Variants in CACNA1D observed in about 807,000 individuals in gnomAD.
CACNA1D encodes voltage-dependent L-type calcium channel subunit alpha-1D.
Under a neutral mutation model 257.1 loss-of-function variants are expected in CACNA1D, and 55 were observed. The ratio of observed to expected loss-of-function variants is 0.21; its 90% confidence interval spans 0.17 to 0.27. The LOEUF is 0.27. Ranked by LOEUF, CACNA1D falls within the 10% of genes least tolerant of loss-of-function variation. CACNA1D has a pLI of 1.00. For synonymous variants in CACNA1D, 980 were observed against 1,014.9 expected, an observed-to-expected ratio of 0.97 and a Z score of 0.65; for missense variants, 1,876 against 2,784.0, an observed-to-expected ratio of 0.67 and a Z score of 7.34.
At chr3:53,510,981 G>C (rs2091081770) in intron 3 of CACNA1D, among the ~76,000 whole-genome samples, 1 of 152,134 alleles carries the variant, frequency 6.6e-6, no homozygotes, top group Non-Finnish European at 1.5e-5. Context: ...GTAGCTAATA[G>C]GTAAATAAGT....
chr3:53,676,163 C>T (rs750615870), intron 8 of CACNA1D, among the ~76,000 whole-genome samples: 2 of 152,124 alleles, frequency 1.3e-5, no homozygotes, highest in Non-Finnish European at 2.9e-5. Context: ...GGCACATATT[C>T]AGTAGAGGTG....
At chr3:53,678,305 G>A (rs2094395361) in intron 8 of CACNA1D, among the ~76,000 whole-genome samples, 1 of 152,152 alleles carries the variant, frequency 6.6e-6, no homozygotes, top group Non-Finnish European at 1.5e-5. Flanking sequence ...ACTTTGTTAA[G>A]TAGATCTTGT....
chr3:53,586,458 C>T (rs2093219626), intron 3 of CACNA1D, among the ~76,000 whole-genome samples: 1 of 151,452 alleles, frequency 6.6e-6, no homozygotes, highest in Non-Finnish European at 1.5e-5. Context: ...TTTTGTGGCA[C>T]CCTACAGTGT....
chr3:53,808,671 C>A lies in CACNA1D; in HGVS notation c.5772C>A (p.Asn1924Lys). Reference sequence around the variant, plus strand: ...CAGCCCACCGGAGATCCTCCTTCAACTTTGAGTGCCTGCGCCGGCAGAGCA... The same window carrying A: ...CAGCCCACCGGAGATCCTCCTTCAAATTTGAGTGCCTGCGCCGGCAGAGCA... ...TPASHRRSSFNFECLRRQSSQ... is the reference protein window; with the variant it reads ...TPASHRRSSFKFECLRRQSSQ... Residue 1924 changes from asparagine to lysine, a missense_variant, in exon 46 of 48, where the codon AAC becomes AAA. Around this residue, in one of 10 missense-constraint regions of CACNA1D, gnomAD observed 491 missense variants for 554.3 expected, o/e 0.89. Transcript: ENST00000350061. 1 of 1,609,224 alleles carries A rather than the reference C, an allele frequency of 6.2e-7. No individual in the cohort carries two copies. The highest frequency in any genetic ancestry group is 8.5e-7 in the Non-Finnish European group (1 of 1,179,972).
At chr3:53,525,706 G>A (rs2091738859) in intron 3 of CACNA1D, among the ~76,000 whole-genome samples, 1 of 152,240 alleles carries the variant, frequency 6.6e-6, no homozygotes, top group South Asian at 2.1e-4. Context: ...TTCTCTGAAC[G>A]TTAACTGAGG....
At chr3:53,804,687 C>T (rs183662011) in intron 44 of CACNA1D, among the ~76,000 whole-genome samples, 1 of 152,328 alleles carries the variant, frequency 6.6e-6, no homozygotes, top group East Asian at 1.9e-4. Context: ...GAGAGGGGCT[C>T]TCACGGAGGA....
At chr3:53,630,462 G>A (rs141832940) in intron 3 of CACNA1D, among the ~76,000 whole-genome samples, 121 of 152,224 alleles carry the variant, frequency 7.9e-4, no homozygotes, top group African/African-American at 2.7e-3. Context: ...TTTTGCACTC[G>A]TATCTCATTA....
At chr3:53,621,465 A>G (rs947028450) in intron 3 of CACNA1D, among the ~76,000 whole-genome samples, 2 of 152,174 alleles carry the variant, frequency 1.3e-5, no homozygotes, top group African/African-American at 4.8e-5. Context: ...GTGTTTCTCA[A>G]AAGTTGCCTT....
chr3:53,782,208 A>AT (rs1419808244), intron 39 of CACNA1D, among the ~76,000 whole-genome samples: 1 of 147,838 alleles, frequency 6.8e-6, no homozygotes, highest in East Asian at 2.0e-4. Context: ...TTTTATATAT[A>AT]TAAAAAACAT....
chr3:53,568,688 C>T (rs764262835), intron 3 of CACNA1D, among the ~76,000 whole-genome samples: 3 of 152,232 alleles, frequency 2.0e-5, no homozygotes, highest in Non-Finnish European at 4.4e-5. Context: ...TGGATCTTCC[C>T]AGTCAATACA....
chr3:53,544,077 C>T (rs973758357), intron 3 of CACNA1D, among the ~76,000 whole-genome samples: 4 of 152,048 alleles, frequency 2.6e-5, no homozygotes, highest in Non-Finnish European at 4.4e-5. Flanking sequence ...CATTAAAGAC[C>T]TTGGGACTGA....
chr3:53,713,502 ATGTGTGTGTGTGTG>A (rs35655186), intron 9 of CACNA1D, among the ~76,000 whole-genome samples: 55 of 129,458 alleles, frequency 4.2e-4, no homozygotes, highest in Admixed American at 2.7e-3. Context: ...CTCTGTGTGT[ATGTGTGTGTGTGTG>A]TGTGTGTGTG....
At chr3:53,684,961 C>A (rs574912195) in intron 8 of CACNA1D, among the ~76,000 whole-genome samples, 21 of 151,508 alleles carry the variant, frequency 1.4e-4, no homozygotes, top group African/African-American at 4.8e-4. Flanking sequence ...CTAAATTATC[C>A]AAAATAAGTC....
intron 29 of CACNA1D, among the ~76,000 whole-genome samples, chr3:53,755,545 G>A (rs578167377): frequency 3.9e-5 from 6 of 152,282 alleles, no homozygotes; most frequent in Non-Finnish European, 5.9e-5. Context: ...CTGATAGATC[G>A]GAGTTTTTAA....
At chr3:53,660,315 T>C in intron 5 of CACNA1D, 40 bp downstream of exon 5, 2 of 1,608,322 alleles carry the variant, frequency 1.2e-6, no homozygotes, top group Non-Finnish European at 1.7e-6. Flanking sequence ...AGTGTGCTGG[T>C]TTTTTCTTCC....
At position 53,718,797 on chromosome 3, in the gene CACNA1D, A is replaced by G. The variant is rs1046397724; in HGVS notation, c.1478+409A>G. 5 of 1,429,360 alleles carry G rather than the reference A, an allele frequency of 3.5e-6. No individual in the cohort carries two copies. In the Admixed American group the frequency reaches 9.8e-5, roughly 28 times the overall value. 88.5% of individuals were successfully genotyped at this position (1,429,360 alleles called of 1,614,324 possible). On this transcript the variant is annotated intron_variant, in intron 10 of 47. Coordinates refer to ENST00000350061, the MANE Select transcript of CACNA1D (RefSeq NM_001128840.3). ...TTTGGCATTTGTGCTTTTGAAGAAG[A>G]GCTTCTGTGGCAGAGTTGCTGACTA...
rs190947994 is a variant in CACNA1D, at chr3:53,767,897, A to G, written c.3871-2076A>G. 5.3e-3 allele frequency among the ~76,000 whole-genome samples: 808 copies of G among 152,266 alleles called. 9 individuals carry two copies. Among genetic ancestry groups the G allele is most frequent in the African/African-American group, 0.018 (764 of 41,552 alleles). Reference sequence around the variant, plus strand: ...GTGGGAGGGGAGGTGTCGCAGGCGCACTGAGGGTGCATGAAGCCTGGTGTG... The same window carrying G: ...GTGGGAGGGGAGGTGTCGCAGGCGCGCTGAGGGTGCATGAAGCCTGGTGTG... On this transcript the variant is annotated intron_variant, in intron 30 of 47. Transcript: ENST00000350061.
chr3:53,567,451 T>A (rs2092865162), intron 3 of CACNA1D, among the ~76,000 whole-genome samples: 2 of 152,202 alleles, frequency 1.3e-5, no homozygotes, highest in South Asian at 4.1e-4. Context: ...CCTCAAAGTC[T>A]CTTCTGAGTA....
At chr3:53,591,906 A>C (rs1000718954) in intron 3 of CACNA1D, among the ~76,000 whole-genome samples, 2 of 152,184 alleles carry the variant, frequency 1.3e-5, no homozygotes, top group African/African-American at 2.4e-5. Flanking sequence ...TTTTGTCACC[A>C]GTGTTGGGCA....
Sources: gnomAD v4.1 joint callset for allele counts (sites outside exome capture counted in the v4.1 genomes callset) on GRCh38, gnomAD v4.1.1 for gene constraint, gnomAD v4.1.1 regional missense constraint, MANE v1.5 for transcripts, NCBI Gene and HGNC (gene_info 2026-07-23, HGNC 2026-07-21) for gene names.